The following NSD1 variants were observed in gnomAD, a reference collection of about 807,000 sequenced individuals.
The protein encoded by NSD1 is histone-lysine N-methyltransferase, H3 lysine-36 specific.
In NSD1, 26 loss-of-function variants were observed where a neutral mutation model predicts 242.7. The ratio of observed to expected loss-of-function variants is 0.11; its 90% CI spans 0.08 to 0.15. NSD1 has a LOEUF of 0.15. NSD1 is among the 10% of genes least tolerant of loss of function. The pLI is 1.00. For synonymous variants in NSD1, 1,106 were observed against 1,178.1 expected, an observed-to-expected ratio of 0.94 and a Z score of 1.25; for missense variants, 2,495 against 3,272.8, an observed-to-expected ratio of 0.76 and a Z score of 5.80.
intron 5 of NSD1, among the ~76,000 whole-genome samples, chr5:177,218,500 AT>A (rs564886979): frequency 9.9e-5 from 14 of 141,468 alleles, no homozygotes; most frequent in East Asian, 2.1e-4. Flanking sequence ...TATTCTGTTG[AT>A]TTTTTTTTTC....
intron 2 of NSD1, among the ~76,000 whole-genome samples, chr5:177,139,550 A>G (rs1299463307): frequency 1.3e-5 from 2 of 152,162 alleles, no homozygotes; most frequent in African/African-American, 4.8e-5. Context: ...GTCATGTGAT[A>G]TTAATGTATT....
intron 2 of NSD1, among the ~76,000 whole-genome samples, chr5:177,141,789 G>A (rs1756850030): frequency 6.6e-6 from 1 of 152,000 alleles, no homozygotes; most frequent in Non-Finnish European, 1.5e-5. Flanking sequence ...CAACTAAGCT[G>A]CTCCTCTACC....
At chr5:177,215,398 A>C (rs1226742706) in intron 5 of NSD1, among the ~76,000 whole-genome samples, 1 of 150,634 alleles carries the variant, frequency 6.6e-6, no homozygotes, top group Non-Finnish European at 1.5e-5. Context: ...CTGGTGTCGA[A>C]CTCCTGACCT....
chr5:177,229,977 C>T (rs1053340696), intron 5 of NSD1: 2 of 163,184 alleles, frequency 1.2e-5, no homozygotes, highest in East Asian at 1.9e-4. Context: ...CTCCCGACTT[C>T]AAGTGATCTG....
chr5:177,261,907 G>A lies in NSD1; in HGVS notation c.5146+1739G>A, dbSNP rs966750993. ...CCTGGCTGGCTCTGAACATTCTGAG[G>A]GACTAATTTTAAAAAGAGTCAATAT... On this transcript the variant is annotated intron_variant, in intron 14 of 22. Coordinates refer to ENST00000439151, the MANE Select transcript of NSD1 (RefSeq NM_022455.5). Among the ~76,000 whole-genome samples, 11 of 152,016 alleles carry A rather than the reference G, an allele frequency of 7.2e-5. 1 individual carries two copies. The highest frequency in any genetic ancestry group is 3.4e-3 in the Middle Eastern group (1 of 294).
chr5:177,203,611 G>A (rs1391312493), intron 3 of NSD1, among the ~76,000 whole-genome samples: 1 of 152,148 alleles, frequency 6.6e-6, no homozygotes, highest in African/African-American at 2.4e-5. Context: ...ACCTTGTGTG[G>A]TGCTCGTCTA....
Position 177,246,717 on chromosome 5 carries a change from G to T in NSD1, c.4418G>T (p.Arg1473Leu). ...KIFDKPRKRK[R>L]QRHAAAKMQC... is the part of the protein sequence containing the mutation. ...TTTGACAAGCCAAGGAAGCGAAAAC[G>T]ACAGAGGCATGCTGCAGCCAAGATG... is the stretch of plus-strand genomic sequence containing the variant. The change falls in exon 10 of 23, where the codon CGA (arginine) becomes CTA (leucine). Residue 1473 changes from arginine (R) to leucine (L), a missense_variant. Transcript: ENST00000439151. 6.2e-7 allele frequency: 1 copy of T among 1,614,040 alleles called. No homozygotes were observed. The highest frequency in any genetic ancestry group is 1.1e-5 in the South Asian group (1 of 91,032).
intron 2 of NSD1, among the ~76,000 whole-genome samples, chr5:177,176,437 T>TC (rs1306350115): frequency 1.5e-4 from 22 of 148,186 alleles, no homozygotes; most frequent in Admixed American, 1.3e-3. Context: ...TTTTTTTTTT[T>TC]TTCTTCTTTT....
At chr5:177,139,031 C>A (rs1019502052) in intron 2 of NSD1, among the ~76,000 whole-genome samples, 6 of 150,574 alleles carry the variant, frequency 4.0e-5, no homozygotes, top group Non-Finnish European at 7.4e-5. Flanking sequence ...GGGTGGATCA[C>A]CTGAGATGAG....
intron 2 of NSD1, among the ~76,000 whole-genome samples, chr5:177,185,920 TTA>T (rs370464580): frequency 3.2e-4 from 28 of 86,712 alleles, no homozygotes; most frequent in Non-Finnish European, 4.4e-4. Flanking sequence ...TTATATATAT[TTA>T]TATATATAAA....
chr5:177,201,953 G>A (rs1278901991), intron 3 of NSD1, among the ~76,000 whole-genome samples: 1 of 151,736 alleles, frequency 6.6e-6, no homozygotes, highest in African/African-American at 2.4e-5. Flanking sequence ...GATCACCTGA[G>A]GTCGGCAGTT....
chr5:177,141,275 C>T (rs544020438), intron 2 of NSD1, among the ~76,000 whole-genome samples: 14 of 150,696 alleles, frequency 9.3e-5, no homozygotes, highest in African/African-American at 3.2e-4. Context: ...CCGCCTTGGC[C>T]TCCCAAAGTG....
At chr5:177,163,773 A>G (rs889083608) in intron 2 of NSD1, among the ~76,000 whole-genome samples, 1 of 152,084 alleles carries the variant, frequency 6.6e-6, no homozygotes, top group African/African-American at 2.4e-5. Flanking sequence ...GACAGCCATT[A>G]TTTCAGGGTT....
rs770472314 is a variant in NSD1, at chr5:177,294,068, A to G, written c.6700A>G (p.Thr2234Ala). Reference protein sequence around the residue: ...PPVPLPPGPSTHLAEQSTGMA... With the variant: ...PPVPLPPGPSAHLAEQSTGMA... ...AGTACCGCTGCCTCCAGGGCCAAGC[A>G]CTCACCTGGCAGAGCAATCAACAGG... is the stretch of plus-strand genomic sequence containing the variant. The change falls in exon 23 of 23, where the codon ACT (threonine) becomes GCT (alanine). Residue 2234 changes from threonine to alanine, a missense_variant. Thr to Ala is a moderately conservative substitution (Grantham distance 58). Around this residue, in one of 19 missense-constraint regions of NSD1, gnomAD observed 475 missense variants for 563.7 expected, o/e 0.84. Coordinates refer to ENST00000439151, the MANE Select transcript of NSD1 (RefSeq NM_022455.5). 3.7e-6 allele frequency: 6 copies of G among 1,614,056 alleles called. No homozygotes were observed. In the South Asian group the frequency reaches 4.4e-5, roughly 12 times the overall value.
intron 17 of NSD1, among the ~76,000 whole-genome samples, chr5:177,275,647 A>T (rs916181052): frequency 6.6e-6 from 1 of 151,350 alleles, no homozygotes; most frequent in Admixed American, 6.6e-5. Context: ...GTTAGCCAGG[A>T]TGGTCTCGAT....
chr5:177,135,741 G>T lies in NSD1; in HGVS notation c.638G>T (p.Ser213Ile). The T allele has an allele frequency of 6.2e-7, 1 of 1,614,166 alleles. No homozygotes were observed. Among genetic ancestry groups the T allele is most frequent in the Non-Finnish European group, 8.5e-7 (1 of 1,180,028 alleles). Residue 213 changes from serine (S) to isoleucine (I), a missense_variant, in exon 2 of 23, where the codon AGC becomes ATC. Transcript: ENST00000439151. Reference protein sequence around the residue: ...VKVAMGSEQDSTPESRHGAVK... With the variant: ...VKVAMGSEQDITPESRHGAVK... ...GTGGCCATGGGAAGTGAACAAGACA[G>T]CACACCAGAGAGTAGACACGGTGCA...
At position 177,216,689 on chromosome 5, in the gene NSD1, T is replaced by TA. The variant is rs35158328; in HGVS notation, c.3796+4496dup. Among the ~76,000 whole-genome samples, 12 of 149,402 alleles carry TA rather than the reference T, an allele frequency of 8.0e-5. No homozygotes were observed. The South Asian group carries it at 2.1e-3, about 26-fold the overall frequency. ...ATCTCTGTTTTTTTTTTTTTTTTTT[T>TA]AATTTTTAGTAAAATTGAGACGGGG... On this transcript the variant is annotated intron_variant, in intron 5 of 22. Coordinates refer to ENST00000439151, the MANE Select transcript of NSD1 (RefSeq NM_022455.5).
chr5:177,196,784 G>C (rs1387735650), intron 3 of NSD1, among the ~76,000 whole-genome samples: 1 of 152,114 alleles, frequency 6.6e-6, no homozygotes, highest in Non-Finnish European at 1.5e-5. Context: ...TGCTGAAAAA[G>C]AATGATGAAA....
In NSD1 at chr5:177,176,076, A is replaced by G. The variant is rs371659523; in HGVS notation, c.928-15808A>G. On this transcript the variant is annotated intron_variant, in intron 2 of 22. Transcript: ENST00000439151. Reference sequence around the variant, plus strand: ...GTTTTAGTAGAGACAGGGTTTTACCATGTTGACCAGGCTGGTCTCGAACTC... The same window carrying G: ...GTTTTAGTAGAGACAGGGTTTTACCGTGTTGACCAGGCTGGTCTCGAACTC... Among the ~76,000 whole-genome samples, 14 of 152,206 alleles carry G rather than the reference A, an allele frequency of 9.2e-5. 1 individual carries two copies. Among genetic ancestry groups the G allele is most frequent in the African/African-American group, 2.9e-4 (12 of 41,530 alleles).
Sources: allele counts gnomAD v4.1 joint callset (sites outside exome capture counted in the v4.1 genomes callset), GRCh38; gene constraint gnomAD v4.1.1; regional missense constraint gnomAD v4.1.1; transcripts MANE v1.5; gene names NCBI Gene and HGNC (gene_info 2026-07-23, HGNC 2026-07-21).